Variants in LGSN observed in about 807,000 individuals in gnomAD.
The protein encoded by LGSN is lengsin, lens protein with glutamine synthetase domain.
Under a neutral mutation model 19.5 loss-of-function variants are expected in LGSN, and 21 were observed. The ratio of observed to expected loss-of-function variants is 1.07; its 90% confidence interval spans 0.76 to 1.55. LGSN has a LOEUF of 1.55. LGSN is among the 40% of genes most tolerant of loss of function. The pLI, the probability that LGSN is intolerant of heterozygous loss-of-function variation, is 0.00. For missense variants in LGSN, 673 were observed against 608.5 expected, an observed-to-expected ratio of 1.11 and a Z score of -1.12; for synonymous variants, 257 against 215.6, an observed-to-expected ratio of 1.19 and a Z score of -1.68.
chr6:63,488,692 C>T, the LGSN span, among the ~76,000 whole-genome samples: 91 of 152,188 alleles, frequency 6.0e-4, no homozygotes, highest in Non-Finnish European at 1.2e-3. Context: ...GTGGCAGGTG[C>T]CTGTAATCCC....
the LGSN span, among the ~76,000 whole-genome samples, chr6:63,564,112 T>C: frequency 6.6e-6 from 1 of 151,936 alleles, no homozygotes; most frequent in Non-Finnish European, 1.5e-5. Context: ...CCATCTCTAC[T>C]AAAAATACAA....
At chr6:63,290,285 T>C (rs1767715042) in intron 2 of LGSN, among the ~76,000 whole-genome samples, 1 of 152,202 alleles carries the variant, frequency 6.6e-6, no homozygotes, top group African/African-American at 2.4e-5. Context: ...ATGGTACCCA[T>C]GCTGTAAGTC....
At chr6:63,571,138 G>C in the LGSN span, 2 of 152,098 alleles carry the variant, frequency 1.3e-5, no homozygotes, top group Non-Finnish European at 2.9e-5. Flanking sequence ...TTGTTCCTTT[G>C]AAAGTCTGGC....
the LGSN span, among the ~76,000 whole-genome samples, chr6:63,388,233 TA>T: frequency 6.6e-6 from 1 of 152,098 alleles, no homozygotes; most frequent in South Asian, 2.1e-4. Context: ...AAAAATGACT[TA>T]CCAGTGGTGA....
chr6:63,513,918 A>G, the LGSN span, among the ~76,000 whole-genome samples: 1 of 145,214 alleles, frequency 6.9e-6, no homozygotes, highest in Non-Finnish European at 1.5e-5. Context: ...CTCAAAAAAA[A>G]AAAAAAAAAA....
At chr6:63,299,374 C>A (rs1768100107) in intron 1 of LGSN, among the ~76,000 whole-genome samples, 1 of 152,174 alleles carries the variant, frequency 6.6e-6, no homozygotes, top group African/African-American at 2.4e-5. Flanking sequence ...CTCTAAAGTA[C>A]CTTTTCCTAT....
Position 63,279,859 on chromosome 6 carries a change from T to C in LGSN, c.*162A>G, listed in dbSNP as rs1466989758. On this transcript the variant is annotated 3_prime_UTR_variant, in exon 4 of 4. Transcript: ENST00000370657. ...GTTATCAGAATCTTCTCAGCAGTCC[T>C]ACTTCATCTGTCAAATATTCCATGG... 5 of 644,082 alleles carry C rather than the reference T, an allele frequency of 7.8e-6. No homozygotes were observed. In the African/African-American group the frequency reaches 9.1e-5, roughly 12 times the overall value. 39.9% of individuals were successfully genotyped at this position (644,082 alleles called of 1,614,324 possible). A position where few individuals can be genotyped will look rare whatever the true frequency, so the allele number is the denominator to read the frequency against.
At chr6:63,323,277 G>A (rs1769129910), upstream of LGSN, among the ~76,000 whole-genome samples, 1 of 152,130 alleles carries the variant, frequency 6.6e-6, no homozygotes, top group African/African-American at 2.4e-5. Flanking sequence ...ATGGAGTCCA[G>A]GTGCAGTTTT....
the LGSN span, among the ~76,000 whole-genome samples, chr6:63,373,590 A>G: frequency 1.7e-4 from 26 of 152,190 alleles, no homozygotes; most frequent in African/African-American, 6.0e-4. Flanking sequence ...GAAAGATTGA[A>G]GAATTTTTCA....
At chr6:63,412,742 A>AGAAAGGAAGGGAAGGAAGGAAGGAAG in the LGSN span, among the ~76,000 whole-genome samples, 13 of 72,028 alleles carry the variant, frequency 1.8e-4, no homozygotes, top group African/African-American at 1.2e-3. Context: ...AAAGAAAGAA[A>AGAAAGGAAGGGAAGGAAGGAAGGAAG]GAAAGAAAGA....
At chr6:63,347,162 A>C in the LGSN span, among the ~76,000 whole-genome samples, 1 of 152,156 alleles carries the variant, frequency 6.6e-6, no homozygotes, top group East Asian at 1.9e-4. Context: ...AATCCTACCC[A>C]TCTGGTGTCA....
chr6:63,550,568 G>A, the LGSN span: 2 of 152,254 alleles, frequency 1.3e-5, no homozygotes, highest in East Asian at 3.9e-4. Flanking sequence ...GTGCATATGT[G>A]ATTAGGAGGT....
rs200745425 is a variant in LGSN, at chr6:63,280,280, A to G, written c.1271T>C (p.Val424Ala). The part of the protein sequence containing the change: ...ANPYLVLAAT[V>A]AAGLDGLHSS... The stretch of plus-strand genomic sequence containing the variant: ...ATGAAGTCCATCTAAGCCGGCAGCA[A>G]CAGTTGCAGCCAGCACCAAGTAAGG... The change falls in exon 4 of 4, where the codon GTT (valine) becomes GCT (alanine). Residue 424 changes from valine (V) to alanine (A), a missense_variant. Val to Ala is a moderately conservative substitution (Grantham distance 64). Coordinates refer to ENST00000370657, the MANE Select transcript of LGSN (RefSeq NM_016571.3). 1 of 1,614,252 alleles carries G rather than the reference A, an allele frequency of 6.2e-7. No homozygotes were observed.
the LGSN span, among the ~76,000 whole-genome samples, chr6:63,508,652 C>T: frequency 2.6e-5 from 4 of 152,072 alleles, no homozygotes; most frequent in South Asian, 2.1e-4. Flanking sequence ...CACGGTGGCT[C>T]ACGCCTATAA....
the LGSN span, among the ~76,000 whole-genome samples, chr6:63,411,963 G>A: frequency 1.3e-5 from 2 of 151,958 alleles, no homozygotes; most frequent in Non-Finnish European, 2.9e-5. Flanking sequence ...AATATTTCTG[G>A]GTAAGCAAAC....
At chr6:63,283,491 C>A (rs1419476721) in intron 3 of LGSN, among the ~76,000 whole-genome samples, 2 of 151,792 alleles carry the variant, frequency 1.3e-5, no homozygotes, top group African/African-American at 4.9e-5. Context: ...TACATTATTG[C>A]ATATAATTTA....
chr6:63,563,611 T>C, the LGSN span, among the ~76,000 whole-genome samples: 1 of 152,232 alleles, frequency 6.6e-6, no homozygotes, highest in Non-Finnish European at 1.5e-5. Context: ...TTCTCACCTG[T>C]ATATAAATTT....
At chr6:63,485,649 C>A in the LGSN span, among the ~76,000 whole-genome samples, 1 of 152,146 alleles carries the variant, frequency 6.6e-6, no homozygotes, top group South Asian at 2.1e-4. Context: ...AGACTCCCAC[C>A]AACAGTATAT....
the LGSN span, among the ~76,000 whole-genome samples, chr6:63,511,782 A>G: frequency 6.6e-6 from 1 of 152,200 alleles, no homozygotes; most frequent in African/African-American, 2.4e-5. Context: ...TATGCTTCTT[A>G]CTGAGAAAAT....
Sources: allele counts gnomAD v4.1 joint callset (sites outside exome capture counted in the v4.1 genomes callset), GRCh38; gene constraint gnomAD v4.1.1; transcripts MANE v1.5; gene names NCBI Gene and HGNC (gene_info 2026-07-23, HGNC 2026-07-21).